Variants in CUZD1 observed in about 807,000 individuals in gnomAD.
CUZD1 encodes CUB and zona pellucida like domains 1.
Under a neutral mutation model 53.1 loss-of-function variants are expected in CUZD1, and 42 were observed. The ratio of observed to expected loss-of-function variants is 0.79; its 90% CI spans 0.62 to 1.02. The LOEUF (loss-of-function observed/expected upper bound fraction) is 1.02, where lower values mean the gene tolerates loss of function less well. Ranked by LOEUF, CUZD1 falls within the 50% of genes least tolerant of loss-of-function variation. The probability of loss-of-function intolerance (pLI) is 0.00; values close to 1 mark genes in which losing one functional copy is unlikely to be tolerated. For missense variants in CUZD1, 670 were observed against 715.7 expected, an observed-to-expected ratio of 0.94 and a Z score of 0.73; for synonymous variants, 238 against 257.2, an observed-to-expected ratio of 0.93 and a Z score of 0.71.
Position 122,836,946 on chromosome 10 carries a change from G to C in CUZD1, c.702C>G (p.Pro234=), listed in dbSNP as rs774604884. 14 of 1,613,994 alleles carry C rather than the reference G, an allele frequency of 8.7e-6. No homozygotes were observed. Among genetic ancestry groups the C allele is most frequent in the Non-Finnish European group, 1.2e-5 (14 of 1,179,890 alleles). The change falls in exon 5 of 9, where the codon CCC becomes CCG. Residue 234 remains proline (P), a synonymous_variant. Coordinates refer to ENST00000392790, the MANE Select transcript of CUZD1 (RefSeq NM_022034.6). The part of the protein sequence containing the change: ...LIGQVCGRVT[P]TFESSSNSLT... ...GAGAGTTTGATGACGATTCGAAGGT[G>C]GGAGTCACACGGCCACAGACTTGTC...
chr10:122,838,412 A>T (rs1847285966), intron 3 of CUZD1, among the ~76,000 whole-genome samples: 1 of 152,158 alleles, frequency 6.6e-6, no homozygotes, highest in Non-Finnish European at 1.5e-5. Flanking sequence ...TCTGCTTCGG[A>T]TCACAGTGGA....
Position 122,833,941 on chromosome 10 carries a change from C to G in CUZD1, c.1383-1G>C. ...CTTACAAGTTTCATCTCGACTACATCTGGAACAGAATTTATGAACATGTTT... is the reference window on the plus strand; with the variant it reads ...CTTACAAGTTTCATCTCGACTACATGTGGAACAGAATTTATGAACATGTTT... On this transcript the variant is annotated splice_acceptor_variant, in intron 7 of 8. Transcript: ENST00000392790. LOFTEE classifies it high-confidence loss of function. 6.2e-7 allele frequency: 1 copy of G among 1,609,828 alleles called. No homozygotes were observed. Among genetic ancestry groups the G allele is most frequent in the Non-Finnish European group, 8.5e-7 (1 of 1,177,820 alleles).
In CUZD1 at chr10:122,832,340, T is replaced by G. The variant is rs374600302; in HGVS notation, c.1762A>C (p.Thr588Pro). ...CGTTGATTTACAAAATGCCTCACTG[T>G]GATTGTCGCTACAGTCACCACATTC... ...ALNVVTVATI[T>P]VRHFVNQRAD... Residue 588 changes from threonine (T) to proline (P), a missense_variant, in exon 9 of 9, where the codon ACA becomes CCA. Transcript: ENST00000392790. 5.0e-6 allele frequency: 8 copies of G among 1,613,998 alleles called. No individual in the cohort carries two copies. In the East Asian group the frequency reaches 1.6e-4, roughly 31 times the overall value.
intron 1 of CUZD1, among the ~76,000 whole-genome samples, chr10:122,843,708 A>G (rs1023235463): frequency 2.6e-5 from 4 of 151,488 alleles, no homozygotes; most frequent in Admixed American, 6.6e-5. Flanking sequence ...AAATTTATAG[A>G]GACAGAAAGT....
Position 122,834,895 on chromosome 10 carries a change from G to T in CUZD1, c.1193C>A (p.Ala398Asp), listed in dbSNP as rs766392941. Residue 398 changes from alanine to aspartate, a missense_variant, in exon 7 of 9, where the codon GCT becomes GAT. Physicochemically the swap from Ala to Asp is moderately radical, Grantham distance 126. Coordinates refer to ENST00000392790, the MANE Select transcript of CUZD1 (RefSeq NM_022034.6). ...NALGKYNTSMALFESNSFEKT... is the reference protein window; with the variant it reads ...NALGKYNTSMDLFESNSFEKT... ...TTCAAATGAATTGGATTCAAAAAGA[G>T]CCATGCTGGTGTTATATTTGCCCAG... 5 of 1,613,406 alleles carry T rather than the reference G, an allele frequency of 3.1e-6. No individual in the cohort carries two copies. In the African/African-American group the frequency reaches 6.7e-5, roughly 22 times the overall value.
At chr10:122,843,973 CTA>C (rs1199426007) in intron 1 of CUZD1, among the ~76,000 whole-genome samples, 1 of 146,972 alleles carries the variant, frequency 6.8e-6, no homozygotes, top group Admixed American at 6.8e-5. Context: ...TATATAAAGA[CTA>C]TATATAGACT....
chr10:122,836,221 A>G lies in CUZD1; in HGVS notation c.947T>C (p.Val316Ala), dbSNP rs2133813416. The G allele has an allele frequency of 6.2e-7, 1 of 1,610,972 alleles. No homozygotes were observed. Among genetic ancestry groups the G allele is most frequent in the Non-Finnish European group, 8.5e-7 (1 of 1,179,106 alleles). Reference protein sequence around the residue: ...PTCRPKLSNVVEFSVPLNGCG... With the variant: ...PTCRPKLSNVAEFSVPLNGCG... The stretch of plus-strand genomic sequence containing the variant: ...TCCATTAAGAGGGACAGAAAATTCC[A>G]CAACATTTGATAATTTTGGTCTGCA... The change falls in exon 6 of 9, where the codon GTG (valine) becomes GCG (alanine). Residue 316 changes from valine to alanine, a missense_variant. By Grantham distance (64) the Val-to-Ala change is moderately conservative. Coordinates refer to ENST00000392790, the MANE Select transcript of CUZD1 (RefSeq NM_022034.6).
chr10:122,838,932 T>C, intron 3 of CUZD1, 85 bp downstream of exon 3: 1 of 1,024,086 alleles, frequency 9.8e-7, no homozygotes, highest in South Asian at 1.4e-5. Context: ...ATACTCAGAC[T>C]GAAGATTATA....
intron 6 of CUZD1, among the ~76,000 whole-genome samples, chr10:122,835,375 C>A (rs769046157): frequency 6.6e-6 from 1 of 152,260 alleles, no homozygotes; most frequent in East Asian, 1.9e-4. Flanking sequence ...TTGCAAATTT[C>A]CAGTCTTAAA....
chr10:122,833,791 C>A lies in CUZD1; in HGVS notation c.1532G>T (p.Arg511Leu), dbSNP rs201005450. ...TCTGGAGACACAACCTTGATTGCAGCGAGACTGGTGGTCACTGCTATCACA... is the reference window on the plus strand; with the variant it reads ...TCTGGAGACACAACCTTGATTGCAGAGAGACTGGTGGTCACTGCTATCACA... ...LICDSSDHQS[R>L]CNQGCVSRSK... Residue 511 changes from arginine (R) to leucine (L), a missense_variant, in exon 8 of 9, where the codon CGC becomes CTC. Transcript: ENST00000392790. The A allele has an allele frequency of 5.0e-6, 8 of 1,613,986 alleles. No homozygotes were observed. The highest frequency in any genetic ancestry group is 5.9e-6 in the Non-Finnish European group (7 of 1,179,974).
rs764124363 is a variant in CUZD1, at chr10:122,834,820, AAAAGAGTTTGGTTC to A, written c.1254_1267del (p.Leu418PhefsTer5). On this transcript the variant is annotated frameshift_variant, in exon 7 of 9. Coordinates refer to ENST00000392790, the MANE Select transcript of CUZD1 (RefSeq NM_022034.6). LOFTEE classifies it high-confidence loss of function. Reference sequence around the variant, plus strand: ...TGAGGTGTGCAGACTAACTTGAACAAAAAGAGTTTGGTTCAAATCCACATAATATGGTGATTCAA... The same window carrying A: ...TGAGGTGTGCAGACTAACTTGAACAAAAATCCACATAATATGGTGATTCAA... The A allele has an allele frequency of 1.9e-5, 31 of 1,613,944 alleles. No individual in the cohort carries two copies. Among genetic ancestry groups the A allele is most frequent in the Non-Finnish European group, 2.6e-5 (31 of 1,179,888 alleles).
At chr10:122,834,346 T>A (rs1405253207) in intron 7 of CUZD1, among the ~76,000 whole-genome samples, 7 of 152,246 alleles carry the variant, frequency 4.6e-5, no homozygotes, top group Admixed American at 4.6e-4. Flanking sequence ...TGGCGTTATA[T>A]TTTAAAGATA....
chr10:122,838,768 A>C (rs552691207), intron 3 of CUZD1, among the ~76,000 whole-genome samples: 1 of 152,292 alleles, frequency 6.6e-6, no homozygotes, highest in African/African-American at 2.4e-5. Flanking sequence ...GCTAGTTAGA[A>C]AGTCAAGATC....
rs141881176 is a variant in CUZD1 at position 122,841,248 on chromosome 10, T to G, written c.163A>C (p.Ser55Arg). 3 of 1,614,084 alleles carry G rather than the reference T, an allele frequency of 1.9e-6. No individual in the cohort carries two copies. The South Asian group carries it at 3.3e-5, about 18-fold the overall frequency. ...TCTATTGTCCAGGTGCAGTTCTCAC[T>G]GGGATTGAGTTGCAGGATCATGGCT... ...HKAMILQLNP[S>R]ENCTWTIERP... Residue 55 changes from serine to arginine, a missense_variant, in exon 2 of 9, where the codon AGT becomes CGT. Ser to Arg is a moderately radical substitution (Grantham distance 110). Coordinates refer to ENST00000392790, the MANE Select transcript of CUZD1 (RefSeq NM_022034.6).
Position 122,834,952 on chromosome 10 carries a change from G to A in CUZD1, c.1136C>T (p.Thr379Ile). Residue 379 changes from threonine (T) to isoleucine (I), a missense_variant, in exon 7 of 9, where the codon ACA becomes ATA. Thr to Ile is a moderately conservative substitution (Grantham distance 89, BLOSUM62 -1). Transcript: ENST00000392790. ...HNSTVEIIYITEDDVIQSQNA... is the reference protein window; with the variant it reads ...HNSTVEIIYIIEDDVIQSQNA... ...TTGACTTTGTATTACATCATCTTCT[G>A]TTATGTATATTATCTCCACTGTAGA... is the stretch of plus-strand genomic sequence containing the variant. The A allele has an allele frequency of 6.2e-7, 1 of 1,613,698 alleles. No homozygotes were observed. Among genetic ancestry groups the A allele is most frequent in the Admixed American group, 1.7e-5 (1 of 60,000 alleles).
At chr10:122,840,722 C>T (rs191568619) in intron 2 of CUZD1, among the ~76,000 whole-genome samples, 48 of 152,200 alleles carry the variant, frequency 3.2e-4, no homozygotes, top group Non-Finnish European at 6.2e-4. Context: ...AATATTGATG[C>T]CTGGAGTCTA....
intron 6 of CUZD1, among the ~76,000 whole-genome samples, chr10:122,835,924 T>A (rs1170252782): frequency 2.0e-5 from 3 of 152,200 alleles, no homozygotes; most frequent in African/African-American, 7.2e-5. Flanking sequence ...GAACTCTCTT[T>A]AGTGAGTTTT....
chr10:122,844,044 G>GA (rs1566239384), intron 1 of CUZD1, among the ~76,000 whole-genome samples: 68 of 148,780 alleles, frequency 4.6e-4, no homozygotes, highest in African/African-American at 1.5e-3. Context: ...ATAGAGAGAG[G>GA]GACAGACAGA....
Position 122,836,944 on chromosome 10 carries a change from G to T in CUZD1, c.704C>A (p.Thr235Asn). The T allele has an allele frequency of 6.2e-7, 1 of 1,614,098 alleles. No homozygotes were observed. The highest frequency in any genetic ancestry group is 8.5e-7 in the Non-Finnish European group (1 of 1,179,946). Reference sequence around the variant, plus strand: ...CAGAGAGTTTGATGACGATTCGAAGGTGGGAGTCACACGGCCACAGACTTG... The same window carrying T: ...CAGAGAGTTTGATGACGATTCGAAGTTGGGAGTCACACGGCCACAGACTTG... The part of the protein sequence containing the change: ...IGQVCGRVTP[T>N]FESSSNSLTV... The change falls in exon 5 of 9, where the codon ACC (threonine) becomes AAC (asparagine). Residue 235 changes from threonine to asparagine, a missense_variant. By Grantham distance (65) the Thr-to-Asn change is moderately conservative (BLOSUM62 0). Transcript: ENST00000392790.
Sources: gnomAD v4.1 joint callset for allele counts (sites outside exome capture counted in the v4.1 genomes callset) on GRCh38, gnomAD v4.1.1 for gene constraint, MANE v1.5 for transcripts, NCBI Gene and HGNC (gene_info 2026-07-23, HGNC 2026-07-21) for gene names.